The following RCC2 variants were observed in gnomAD, a reference collection of about 807,000 sequenced individuals.
RCC2 encodes regulator of chromosome condensation 2, also known as protein RCC2.
In RCC2, 19 loss-of-function variants were observed where a neutral mutation model predicts 64.1. That is an observed-to-expected ratio of 0.30 (90% CI 0.21 to 0.44). The LOEUF (loss-of-function observed/expected upper bound fraction) is 0.44, where lower values mean the gene tolerates loss of function less well. RCC2 is among the 20% of genes least tolerant of loss of function. The probability of loss-of-function intolerance (pLI) is 1.00; values close to 1 mark genes in which losing one functional copy is unlikely to be tolerated. For synonymous variants in RCC2, 325 were observed against 279.6 expected (o/e 1.16, Z -1.62); for missense variants, 508 against 710.4 (o/e 0.72, Z 3.24).
At position 17,413,496 on chromosome 1, in the gene RCC2, G is replaced by A. The variant is rs766552252; in HGVS notation, c.1207+41C>T. ...GACAGGACAATGGCTACACGGTTCC[G>A]CACCAGAGCACTGATAAGCCAGGGG... On this transcript the variant is annotated intron_variant, in intron 9 of 12. Coordinates refer to ENST00000375436, the MANE Select transcript of RCC2 (RefSeq NM_018715.4). The A allele has an allele frequency of 9.0e-5, 143 of 1,595,458 alleles. 1 individual carries two copies. In the Admixed American group the frequency reaches 2.2e-3, roughly 24 times the overall value.
intron 11 of RCC2, among the ~76,000 whole-genome samples, chr1:17,411,319 G>GT (rs1318783176): frequency 6.6e-6 from 1 of 152,198 alleles, no homozygotes; most frequent in Non-Finnish European, 1.5e-5. Context: ...GCTCACGCCT[G>GT]TAATCCCAGC....
intron 7 of RCC2, among the ~76,000 whole-genome samples, chr1:17,417,683 C>CA (rs897584775): frequency 3.3e-4 from 48 of 147,560 alleles, no homozygotes; most frequent in South Asian, 2.2e-4. Flanking sequence ...TTTCTGTCTC[C>CA]AAAAAAAAAC....
At chr1:17,428,647 G>A (rs1056340394) in intron 3 of RCC2, among the ~76,000 whole-genome samples, 1 of 152,144 alleles carries the variant, frequency 6.6e-6, no homozygotes, top group East Asian at 1.9e-4. Context: ...GCTTTCCCCC[G>A]CTCCAGACTG....
At chr1:17,430,973 C>T (rs937022561) in intron 2 of RCC2, among the ~76,000 whole-genome samples, 2 of 151,826 alleles carry the variant, frequency 1.3e-5, no homozygotes, top group Non-Finnish European at 2.9e-5. Context: ...CCACCTTGGC[C>T]TCCCAAAGTG....
chr1:17,413,791 G>C, intron 8 of RCC2, 74 bp from the exon 9 acceptor site: 1 of 1,345,904 alleles, frequency 7.4e-7, no homozygotes, highest in Non-Finnish European at 1.0e-6. Flanking sequence ...TCGTTTCTGT[G>C]CAGACAACCT....
In RCC2 at chr1:17,413,619, C is replaced by G. The variant is rs375706747; in HGVS notation, c.1125G>C (p.Leu375=). ...AEQKDEMVPR[L]VKLFDFPGRG... ...GCCCAGGGAAGTCAAACAGCTTCAC[C>G]AGGCGGGGGACCATCTCATCCTTCT... Residue 375 remains leucine (L), a synonymous_variant, in exon 9 of 13, where the codon CTG becomes CTC. Coordinates refer to ENST00000375436, the MANE Select transcript of RCC2 (RefSeq NM_018715.4). The G allele has an allele frequency of 2.1e-5, 34 of 1,614,168 alleles. No individual in the cohort carries two copies. In the African/African-American group the frequency reaches 4.3e-4, roughly 20 times the overall value.
At chr1:17,429,030 AC>A in intron 3 of RCC2, 75 bp downstream of exon 3, 1 of 1,121,080 alleles carries the variant, frequency 8.9e-7, no homozygotes. Flanking sequence ...TGAAGGGAAT[AC>A]CTACCAGGCA....
At chr1:17,437,201 A>G (rs2075743690) in intron 2 of RCC2, among the ~76,000 whole-genome samples, 1 of 152,172 alleles carries the variant, frequency 6.6e-6, no homozygotes, top group African/African-American at 2.4e-5. Flanking sequence ...GCTTCTCTGG[A>G]GGAAAGCACT....
At chr1:17,438,045 C>T (rs1346315984) in intron 2 of RCC2, among the ~76,000 whole-genome samples, 185 bp downstream of exon 2, 1 of 146,642 alleles carries the variant, frequency 6.8e-6, no homozygotes, top group African/African-American at 2.5e-5. Flanking sequence ...GGCCGCGCGC[C>T]CCGTACCGAG....
intron 8 of RCC2, among the ~76,000 whole-genome samples, chr1:17,415,614 G>A (rs567725828): frequency 2.2e-4 from 33 of 151,934 alleles, no homozygotes; most frequent in Non-Finnish European, 4.6e-4. Flanking sequence ...GGAGGCTGAG[G>A]CAGGAGAATA....
intron 2 of RCC2, among the ~76,000 whole-genome samples, chr1:17,431,359 A>AAAATAT (rs1553158471): frequency 6.7e-5 from 3 of 44,938 alleles, no homozygotes; most frequent in Non-Finnish European, 1.1e-4. Context: ...AAAAAAAAAA[A>AAAATAT]ATATATATAT....
chr1:17,425,531 C>T lies in RCC2; in HGVS notation c.523+10G>A, dbSNP rs532918901. The T allele has an allele frequency of 7.5e-6, 12 of 1,597,950 alleles. No individual in the cohort carries two copies. The highest frequency in any genetic ancestry group is 1.3e-5 in the African/African-American group (1 of 74,676). ...TGGTCCCCAGTGCCCAGCACCCGCA[C>T]GGTACTCACCCCAGCTCCACAGCTT... is the stretch of plus-strand genomic sequence containing the variant. On this transcript the variant is annotated intron_variant, in intron 4 of 12. Coordinates refer to ENST00000375436, the MANE Select transcript of RCC2 (RefSeq NM_018715.4).
At position 17,407,383 on chromosome 1, in the gene RCC2, T is replaced by C. The variant is rs1299671185; in HGVS notation, c.*1707A>G. ...ACGGATCAGGCTGTCGCATGGAAGC[T>C]TACGTCAGAGATGGTGGTTTTGGGG... On this transcript the variant is annotated 3_prime_UTR_variant, in exon 13 of 13. Coordinates refer to ENST00000375436, the MANE Select transcript of RCC2 (RefSeq NM_018715.4). 2 of 152,224 alleles carry C rather than the reference T, an allele frequency of 1.3e-5. No individual in the cohort carries two copies. Among genetic ancestry groups the C allele is most frequent in the African/African-American group, 4.8e-5 (2 of 41,450 alleles). 9.4% of individuals were successfully genotyped at this position (152,224 alleles called of 1,614,324 possible). A position where few individuals can be genotyped will look rare whatever the true frequency, so the allele number is the denominator to read the frequency against.
intron 5 of RCC2, 147 bp from the exon 6 acceptor site, chr1:17,422,438 G>A (rs577825870): frequency 1.4e-5 from 11 of 777,740 alleles, no homozygotes; most frequent in African/African-American, 5.3e-5. Context: ...CAGTGCAGAC[G>A]CTTCACAGCA....
chr1:17,423,089 T>C (rs1180216330), intron 4 of RCC2, among the ~76,000 whole-genome samples: 1 of 152,158 alleles, frequency 6.6e-6, no homozygotes, highest in African/African-American at 2.4e-5. Flanking sequence ...CTCCCACGTC[T>C]CTGCTACAAA....
chr1:17,420,028 A>G (rs916698732), intron 7 of RCC2, among the ~76,000 whole-genome samples: 1 of 152,262 alleles, frequency 6.6e-6, no homozygotes, highest in Admixed American at 6.5e-5. Context: ...CGGCCAGCAG[A>G]GGGCGCCCGC....
intron 7 of RCC2, among the ~76,000 whole-genome samples, chr1:17,418,210 T>A (rs1280905556): frequency 7.1e-6 from 1 of 140,102 alleles, no homozygotes; most frequent in East Asian, 2.0e-4. Flanking sequence ...ATAAGCAGGT[T>A]CTATTTTTTT....
intron 8 of RCC2, among the ~76,000 whole-genome samples, chr1:17,416,091 G>T (rs2075481286): frequency 1.2e-5 from 1 of 80,050 alleles, no homozygotes; most frequent in Non-Finnish European, 2.3e-5. Context: ...GGGGGGGGGC[G>T]GGGGGGACAA....
Position 17,409,027 on chromosome 1 carries a change from C to T in RCC2, c.*63G>A, listed in dbSNP as rs2075396154. ...TAAATTCCTCGTTTGACTTCCCGTC[C>T]CAGTGCACATGGAAATGACAGCTGC... On this transcript the variant is annotated 3_prime_UTR_variant, in exon 13 of 13. Coordinates refer to ENST00000375436, the MANE Select transcript of RCC2 (RefSeq NM_018715.4). 8.1e-7 allele frequency: 1 copy of T among 1,231,408 alleles called. No individual in the cohort carries two copies. Among genetic ancestry groups the T allele is most frequent in the African/African-American group, 1.5e-5 (1 of 67,348 alleles). The allele number at this position is 1,231,408 out of a possible 1,614,324, so 76.3% of individuals were successfully genotyped here.
Sources: allele counts gnomAD v4.1 joint callset (sites outside exome capture counted in the v4.1 genomes callset), GRCh38; gene constraint gnomAD v4.1.1; transcripts MANE v1.5; gene names NCBI Gene and HGNC (gene_info 2026-07-23, HGNC 2026-07-21).